HABP2: variants seen among roughly 807,000 people sequenced by gnomAD.
HABP2 encodes the protein factor VII-activating protease.
In HABP2, 65 loss-of-function variants were observed where a neutral mutation model predicts 66.5. The observed-to-expected ratio is 0.98, with a 90% CI of 0.80 to 1.20. HABP2 has a LOEUF of 1.20. Among genes scored for constraint, HABP2 ranks in the 50% most tolerant of loss-of-function variants. HABP2 has a pLI of 0.00. For missense variants in HABP2, 786 were observed against 691.0 expected, an observed-to-expected ratio of 1.14 and a Z score of -1.54; for synonymous variants, 263 against 253.9, an observed-to-expected ratio of 1.04 and a Z score of -0.34.
intron 4 of HABP2, 23 bp downstream of exon 4, chr10:113,576,027 A>G (rs761723596): frequency 6.6e-6 from 8 of 1,221,256 alleles, no homozygotes; most frequent in Non-Finnish European, 9.7e-6. Flanking sequence ...TCACTAGTCC[A>G]CTCTTCCCTC....
intron 3 of HABP2, 149 bp from the exon 4 acceptor site, chr10:113,575,748 A>C: frequency 4.7e-6 from 3 of 644,182 alleles, no homozygotes; most frequent in Non-Finnish European, 5.6e-6. Flanking sequence ...GTTTAGGGAC[A>C]ACATATGTTT....
chr10:113,567,943 C>T (rs1283433172), intron 2 of HABP2, among the ~76,000 whole-genome samples: 1 of 152,196 alleles, frequency 6.6e-6, no homozygotes, highest in South Asian at 2.1e-4. Context: ...GCGAGGGCGG[C>T]CTCCGGGCTG....
chr10:113,574,454 G>A (rs749878020), intron 3 of HABP2, 49 bp downstream of exon 3: 16 of 929,974 alleles, frequency 1.7e-5, no homozygotes, highest in East Asian at 1.4e-4. Context: ...AGGTCAGAGC[G>A]GAGTGTATGT....
At chr10:113,573,001 G>C (rs1256015586) in intron 2 of HABP2, among the ~76,000 whole-genome samples, 1 of 152,348 alleles carries the variant, frequency 6.6e-6, no homozygotes, top group Non-Finnish European at 1.5e-5. Context: ...TAATGTGGTT[G>C]ATAATCAGGC....
intron 2 of HABP2, among the ~76,000 whole-genome samples, chr10:113,569,414 G>A (rs1845261189): frequency 1.3e-5 from 2 of 152,224 alleles, no homozygotes; most frequent in African/African-American, 4.8e-5. Context: ...ACCTCTCACA[G>A]GGGTTGTGCT....
At chr10:113,574,450 G>T (rs756595674) in intron 3 of HABP2, 45 bp downstream of exon 3, 45 of 965,578 alleles carry the variant, frequency 4.7e-5, no homozygotes, top group Non-Finnish European at 7.1e-5. Context: ...GAGAAGGTCA[G>T]AGCGGAGTGT....
chr10:113,579,184 A>G (rs1845473693), intron 7 of HABP2, among the ~76,000 whole-genome samples: 1 of 151,642 alleles, frequency 6.6e-6, no homozygotes, highest in Non-Finnish European at 1.5e-5. Flanking sequence ...ATCTGAACCC[A>G]GGAGGTCGAG....
intron 7 of HABP2, among the ~76,000 whole-genome samples, chr10:113,579,135 T>G (rs12412089): frequency 0.18 from 26,818 of 150,944 alleles, 2,539 homozygotes; most frequent in East Asian, 0.31. Context: ...GGTCAGCACC[T>G]GTAGCCCCAG....
chr10:113,554,503 G>A (rs1844955568), intron 1 of HABP2, among the ~76,000 whole-genome samples: 1 of 152,156 alleles, frequency 6.6e-6, no homozygotes. Context: ...TTCTGAAAGG[G>A]TTTTCTTTTC....
chr10:113,586,210 C>G (rs950637070), intron 12 of HABP2, among the ~76,000 whole-genome samples: 1 of 152,228 alleles, frequency 6.6e-6, no homozygotes, highest in Non-Finnish European at 1.5e-5. Flanking sequence ...ATGTCATGAT[C>G]ACCATTTTAC....
At chr10:113,567,367 C>T (rs1442180999) in intron 1 of HABP2, 122 bp from the exon 2 acceptor site, 8 of 755,436 alleles carry the variant, frequency 1.1e-5, no homozygotes, top group African/African-American at 3.4e-5. Context: ...AGCCCAGCCA[C>T]AACCATCAGA....
chr10:113,572,776 G>C (rs750316515), intron 2 of HABP2: 1 of 439,180 alleles, frequency 2.3e-6, no homozygotes, highest in South Asian at 1.7e-5. Flanking sequence ...AAAGCACTTC[G>C]GGAGAAATAA....
rs11575777 is a variant in HABP2, at chr10:113,584,639, A to T, written c.1372+357A>T. On this transcript the variant is annotated intron_variant, in intron 11 of 12. Coordinates refer to ENST00000351270, the MANE Select transcript of HABP2 (RefSeq NM_004132.5). ...CTGGTATTCAATTCTTGACTTTGTC[A>T]CTTGAACAACTGAGTTTTAGTTTCT... Among the ~76,000 whole-genome samples the T allele has an allele frequency of 8.7e-3, 1,326 of 152,342 alleles. 29 individuals carry two copies. Among genetic ancestry groups the T allele is most frequent in the African/African-American group, 0.03 (1,259 of 41,578 alleles).
At chr10:113,552,188 T>C (rs1844910930), upstream of HABP2, among the ~76,000 whole-genome samples, 1 of 152,268 alleles carries the variant, frequency 6.6e-6, no homozygotes, top group South Asian at 2.1e-4. Flanking sequence ...GGTGAGCACA[T>C]GCCTCCGCTG....
At chr10:113,566,986 A>G (rs1014292609) in intron 1 of HABP2, among the ~76,000 whole-genome samples, 14 of 152,166 alleles carry the variant, frequency 9.2e-5, no homozygotes, top group Non-Finnish European at 1.6e-4. Context: ...TCCATCCCCA[A>G]TCCCCAGGAA....
chr10:113,560,052 C>T (rs1296757022), intron 1 of HABP2, among the ~76,000 whole-genome samples: 2 of 152,228 alleles, frequency 1.3e-5, no homozygotes, highest in African/African-American at 4.8e-5. Flanking sequence ...TGGCTCCTGG[C>T]TCATCACTGT....
chr10:113,584,097 T>C, intron 10 of HABP2, 51 bp from the exon 11 acceptor site: 1 of 1,579,892 alleles, frequency 6.3e-7, no homozygotes, highest in Non-Finnish European at 8.7e-7. Context: ...CTGGTGCTTC[T>C]CTGACAAAGA....
At chr10:113,577,009 C>T (rs867929188) in intron 4 of HABP2, 141 bp from the exon 5 acceptor site, 3 of 639,162 alleles carry the variant, frequency 4.7e-6, no homozygotes, top group Middle Eastern at 2.6e-4. Flanking sequence ...AAGCCTTGTC[C>T]TGGCATAGCC....
chr10:113,577,227 GTC>G lies in HABP2; in HGVS notation c.411_412del (p.Cys138Ter), dbSNP rs1845428406. 6.2e-7 allele frequency: 1 copy of G among 1,611,100 alleles called. No individual in the cohort carries two copies. The highest frequency in any genetic ancestry group is 1.7e-5 in the Admixed American group (1 of 60,008). ...ITQSPPYYRC[V>X]CKHPYTGPSC... ...CCAGAGTCCTCCCTACTACCGCTGTGTCTGTAAACACCCTTACACAGGTCCCA... is the reference window on the plus strand; with the variant it reads ...CCAGAGTCCTCCCTACTACCGCTGTGTGTAAACACCCTTACACAGGTCCCA... On this transcript the variant is annotated frameshift_variant, in exon 5 of 13. Coordinates refer to ENST00000351270, the MANE Select transcript of HABP2 (RefSeq NM_004132.5). LOFTEE classifies it high-confidence loss of function.
Sources: gnomAD v4.1 joint callset for allele counts (sites outside exome capture counted in the v4.1 genomes callset) on GRCh38, gnomAD v4.1.1 for gene constraint, MANE v1.5 for transcripts, NCBI Gene and HGNC (gene_info 2026-07-23, HGNC 2026-07-21) for gene names.